Variants in LMTK2 observed in about 807,000 individuals in gnomAD.
The protein encoded by LMTK2 is lemur tail kinase 2, also known as serine/threonine-protein kinase LMTK2.
Under a neutral mutation model 127.5 loss-of-function variants are expected in LMTK2, and 37 were observed. That is an observed-to-expected ratio of 0.29 (90% confidence interval 0.22 to 0.38). The LOEUF is 0.38. Ranked by LOEUF, LMTK2 falls within the 10% of genes least tolerant of loss-of-function variation. The pLI is 1.00. For missense variants in LMTK2, 1,694 were observed against 1,920.3 expected, an observed-to-expected ratio of 0.88 and a Z score of 2.20; for synonymous variants, 819 against 810.1, an observed-to-expected ratio of 1.01 and a Z score of -0.19.
chr7:98,185,199 C>T, intron 8 of LMTK2, 64 bp downstream of exon 8: 1 of 1,099,270 alleles, frequency 9.1e-7, no homozygotes, highest in East Asian at 2.4e-5. Flanking sequence ...GTAATGTCAC[C>T]AAATGCCCCA....
chr7:98,194,124 A>G lies in LMTK2; in HGVS notation c.3659A>G (p.Asp1220Gly). 6.2e-7 allele frequency: 1 copy of G among 1,614,092 alleles called. No individual in the cohort carries two copies. Among genetic ancestry groups the G allele is most frequent in the Non-Finnish European group, 8.5e-7 (1 of 1,180,034 alleles). ...GGCGATGACTTCGAGACACAGGACGATCGCCCCTGCACCCTCGCTTCCACG... is the reference window on the plus strand; with the variant it reads ...GGCGATGACTTCGAGACACAGGACGGTCGCCCCTGCACCCTCGCTTCCACG... ...SSGDDFETQD[D>G]RPCTLASTGT... The change falls in exon 11 of 14, where the codon GAT becomes GGT. Residue 1220 changes from aspartate to glycine, a missense_variant. By Grantham distance (94) the Asp-to-Gly change is moderately conservative. This residue lies in a region of LMTK2 where 554 missense variants were observed against 567.7 expected (regional missense o/e 0.98). Transcript: ENST00000297293. This position sits in a 1 kb window ranked among gnomAD's most constrained non-coding sequence, Gnocchi z 5.4.
chr7:98,202,320 A>G (rs926649588), intron 11 of LMTK2, among the ~76,000 whole-genome samples: 2 of 151,734 alleles, frequency 1.3e-5, no homozygotes, highest in African/African-American at 4.8e-5. Flanking sequence ...GATTTTCCCT[A>G]TTTCTGTTCA....
In LMTK2 at chr7:98,122,951, T is replaced by C. The variant is rs1178926996; in HGVS notation, c.104-14364T>C. 3.3e-5 allele frequency among the ~76,000 whole-genome samples: 5 copies of C among 152,188 alleles called. No homozygotes were observed. In the East Asian group the frequency reaches 9.6e-4, roughly 29 times the overall value. The stretch of plus-strand genomic sequence containing the variant: ...GTCCCCTCCCTTAAATGTTGTTTCT[T>C]ATCTCCTTGGTTCTCTTTTTTTTTT... On this transcript the variant is annotated intron_variant, in intron 1 of 13. Coordinates refer to ENST00000297293, the MANE Select transcript of LMTK2 (RefSeq NM_014916.4).
chr7:98,172,932 AT>A (rs1356418770), intron 7 of LMTK2, among the ~76,000 whole-genome samples: 1 of 151,756 alleles, frequency 6.6e-6, no homozygotes, highest in African/African-American at 2.4e-5. Flanking sequence ...TAATTTTTGT[AT>A]TTTCAGTACA....
Position 98,192,683 on chromosome 7 carries a change from G to C in LMTK2, c.2218G>C (p.Glu740Gln). 1 of 1,611,172 alleles carries C rather than the reference G, an allele frequency of 6.2e-7. No individual in the cohort carries two copies. The highest frequency in any genetic ancestry group is 1.1e-5 in the South Asian group (1 of 90,356). Residue 740 changes from glutamate to glutamine, a missense_variant, in exon 11 of 14, where the codon GAA (glutamate) becomes CAA (glutamine). This residue lies in a region of LMTK2 where 527 missense variants were observed against 539.8 expected (regional missense o/e 0.98). Transcript: ENST00000297293. ...NLLKGSLSSKEHINDLQTELK... is the reference protein window; with the variant it reads ...NLLKGSLSSKQHINDLQTELK... The stretch of plus-strand genomic sequence containing the variant: ...ACTAAAAGGCTCATTGTCCAGCAAA[G>C]AACACATAAATGATCTTCAGACAGA...
chr7:98,140,051 C>A, intron 2 of LMTK2, among the ~76,000 whole-genome samples: 1 of 151,880 alleles, frequency 6.6e-6, no homozygotes, highest in Non-Finnish European at 1.5e-5. Context: ...AGCTTCCCAC[C>A]GAACGTCACG....
intron 8 of LMTK2, 41 bp from the exon 9 acceptor site, chr7:98,186,836 A>G (rs1797443517): frequency 6.3e-7 from 1 of 1,578,830 alleles, no homozygotes; most frequent in Non-Finnish European, 8.7e-7. Context: ...CACCAAAAGT[A>G]TAATTCTATT....
At chr7:98,113,696 A>T (rs1017922034) in intron 1 of LMTK2, among the ~76,000 whole-genome samples, 1 of 152,230 alleles carries the variant, frequency 6.6e-6, no homozygotes, top group Non-Finnish European at 1.5e-5. Flanking sequence ...GATCTAGAAG[A>T]CTGCTCCCTC....
intron 2 of LMTK2, among the ~76,000 whole-genome samples, chr7:98,140,971 C>A (rs942109127): frequency 2.0e-5 from 3 of 150,904 alleles, no homozygotes; most frequent in Admixed American, 6.6e-5. Flanking sequence ...GTAGGCGGCT[C>A]ACTTGGTTCC....
In LMTK2 at chr7:98,192,094, C is replaced by A. The variant is rs1252873223; in HGVS notation, c.1629C>A (p.His543Gln). The A allele has an allele frequency of 6.4e-7, 1 of 1,562,724 alleles. No individual in the cohort carries two copies. Among genetic ancestry groups the A allele is most frequent in the African/African-American group, 1.4e-5 (1 of 72,816 alleles). Residue 543 changes from histidine (H) to glutamine (Q), a missense_variant, in exon 11 of 14, where the codon CAC (histidine) becomes CAA (glutamine). Physicochemically the swap from His to Gln is conservative, Grantham distance 24 (BLOSUM62 0). Around this residue, in one of 8 missense-constraint regions of LMTK2, gnomAD observed 216 missense variants for 266.8 expected, o/e 0.81. Transcript: ENST00000297293. ...GAGTGGTTCCTGTTTTTGATGCCCA[C>A]AACCTTTCTGTTGGAAGCGACTATT... ...VPGVVPVFDA[H>Q]NLSVGSDYYI... is the part of the protein sequence containing the mutation.
chr7:98,174,358 G>A (rs1047004522), intron 7 of LMTK2, among the ~76,000 whole-genome samples: 5 of 152,174 alleles, frequency 3.3e-5, no homozygotes, highest in Non-Finnish European at 5.9e-5. Flanking sequence ...CAGTGAAGTT[G>A]TATTTCTACC....
Position 98,194,344 on chromosome 7 carries a change from C to G in LMTK2, c.3879C>G (p.Asp1293Glu). Residue 1293 changes from aspartate to glutamate, a missense_variant, in exon 11 of 14, where the codon GAC becomes GAG. This residue lies in a region of LMTK2 where 554 missense variants were observed against 567.7 expected (regional missense o/e 0.98). Coordinates refer to ENST00000297293, the MANE Select transcript of LMTK2 (RefSeq NM_014916.4). The surrounding 1 kb of genome is among the most constrained non-coding windows in gnomAD (Gnocchi z 5.4). ...DADEEDENSD[D>E]SDEDLRAFNL... is the part of the protein sequence containing the mutation. ...ACGAGGAGGACGAAAACAGCGACGA[C>G]TCGGACGAGGACCTGCGGGCCTTCA... is the stretch of plus-strand genomic sequence containing the variant. 1 of 1,614,146 alleles carries G rather than the reference C, an allele frequency of 6.2e-7. No homozygotes were observed. Among genetic ancestry groups the G allele is most frequent in the East Asian group, 2.2e-5 (1 of 44,872 alleles).
At chr7:98,189,696 G>T (rs1797493318) in intron 9 of LMTK2, among the ~76,000 whole-genome samples, 2 of 152,316 alleles carry the variant, frequency 1.3e-5, no homozygotes, top group African/African-American at 4.8e-5. Flanking sequence ...ATGAGAGGCA[G>T]CTCCTCTGAC....
At chr7:98,177,721 G>A (rs1457431706) in intron 7 of LMTK2, among the ~76,000 whole-genome samples, 1 of 150,738 alleles carries the variant, frequency 6.6e-6, no homozygotes. Flanking sequence ...TTCACACCCT[G>A]TGGAAGAACT....
chr7:98,176,853 A>G (rs1018336041), intron 7 of LMTK2, among the ~76,000 whole-genome samples: 1 of 152,164 alleles, frequency 6.6e-6, no homozygotes, highest in African/African-American at 2.4e-5. Context: ...TCTCAATAAT[A>G]ATAATGATTT....
At chr7:98,152,615 C>G (rs1584265992) in intron 4 of LMTK2, among the ~76,000 whole-genome samples, 1 of 152,280 alleles carries the variant, frequency 6.6e-6, no homozygotes, top group East Asian at 1.9e-4. Flanking sequence ...TTGGGAGGGT[C>G]ACACAGCAAA....
chr7:98,107,141 A>G lies in LMTK2; in HGVS notation c.-37A>G. ...CGAACGGACGGACGGACGGAAGGCG[A>G]CTCGAGGGCCGGCCCCGGAGCCGCG... On this transcript the variant is annotated 5_prime_UTR_variant, in exon 1 of 14. Coordinates refer to ENST00000297293, the MANE Select transcript of LMTK2 (RefSeq NM_014916.4). 1 of 1,381,278 alleles carries G rather than the reference A, an allele frequency of 7.2e-7. No homozygotes were observed. The highest frequency in any genetic ancestry group is 1.5e-5 in the African/African-American group (1 of 65,356). The allele number at this position is 1,381,278 out of a possible 1,614,324, so 85.6% of individuals were successfully genotyped here. A position where few individuals can be genotyped will look rare whatever the true frequency, so the allele number is the denominator to read the frequency against.
intron 11 of LMTK2, 50 bp from the exon 12 acceptor site, chr7:98,203,524 G>T: frequency 6.4e-7 from 1 of 1,550,850 alleles, no homozygotes; most frequent in Non-Finnish European, 8.7e-7. Context: ...CACACGGGGG[G>T]TTCCCGTGAG....
At chr7:98,200,934 C>CT (rs1181776670) in intron 11 of LMTK2, among the ~76,000 whole-genome samples, 1 of 152,104 alleles carries the variant, frequency 6.6e-6, no homozygotes, top group Non-Finnish European at 1.5e-5. Flanking sequence ...GGAGGGCCTC[C>CT]TGTCCTTCTG....
Sources: allele counts gnomAD v4.1 joint callset (sites outside exome capture counted in the v4.1 genomes callset), GRCh38; gene constraint gnomAD v4.1.1; regional missense constraint gnomAD v4.1.1; non-coding constraint Gnocchi (gnomAD v3.1); transcripts MANE v1.5; gene names NCBI Gene and HGNC (gene_info 2026-07-23, HGNC 2026-07-21).